The following SLC39A11 variants were observed in gnomAD, a reference collection of about 807,000 sequenced individuals.
The protein encoded by SLC39A11 is zinc transporter ZIP11.
In SLC39A11, 33 loss-of-function variants were observed where a neutral mutation model predicts 36.1. The observed-to-expected ratio is 0.91, with a 90% CI of 0.69 to 1.22. SLC39A11 has a LOEUF of 1.22. SLC39A11 is among the 50% of genes most tolerant of loss of function. SLC39A11 has a pLI of 0.00. For synonymous variants in SLC39A11, 166 were observed against 170.3 expected (o/e 0.97, Z 0.20); for missense variants, 432 against 430.3 (o/e 1.00, Z -0.03).
chr17:72,844,703 G>A (rs1411123857), intron 6 of SLC39A11, among the ~76,000 whole-genome samples: 1 of 151,928 alleles, frequency 6.6e-6, no homozygotes, highest in Non-Finnish European at 1.5e-5. Context: ...AACATTCATG[G>A]GCCAATGATT....
intron 3 of SLC39A11, among the ~76,000 whole-genome samples, chr17:73,048,398 T>C (rs2059390797): frequency 6.6e-6 from 1 of 152,196 alleles, no homozygotes; most frequent in Non-Finnish European, 1.5e-5. Context: ...TAGTATTCCA[T>C]GGTGCACATG....
At chr17:72,787,877 T>C (rs2076573634) in intron 6 of SLC39A11, among the ~76,000 whole-genome samples, 1 of 152,158 alleles carries the variant, frequency 6.6e-6, no homozygotes, top group South Asian at 2.1e-4. Context: ...GCTCCCTTAC[T>C]GGGCGCATCC....
intron 7 of SLC39A11, among the ~76,000 whole-genome samples, chr17:72,708,926 G>A (rs1354103286): frequency 6.7e-6 from 1 of 149,836 alleles, no homozygotes; most frequent in Non-Finnish European, 1.5e-5. Context: ...CCTAGGCAAA[G>A]CCTTTTTTCT....
At chr17:73,021,971 C>T (rs908797101) in intron 4 of SLC39A11, among the ~76,000 whole-genome samples, 1 of 152,252 alleles carries the variant, frequency 6.6e-6, no homozygotes, top group Non-Finnish European at 1.5e-5. Flanking sequence ...GTGTTCGTGC[C>T]AGACCCACGG....
At chr17:72,663,715 T>C (rs571849708) in intron 7 of SLC39A11, 2 of 152,276 alleles carry the variant, frequency 1.3e-5, no homozygotes, top group South Asian at 2.1e-4. Context: ...GACATCCGTG[T>C]GGGGTATTGC....
chr17:72,766,568 TC>T (rs1438708524), intron 6 of SLC39A11, among the ~76,000 whole-genome samples: 1 of 152,168 alleles, frequency 6.6e-6, no homozygotes, highest in Non-Finnish European at 1.5e-5. Flanking sequence ...TATCACTGCT[TC>T]TTCTGCTAGT....
At chr17:72,704,301 T>G (rs1316359079) in intron 7 of SLC39A11, among the ~76,000 whole-genome samples, 1 of 152,196 alleles carries the variant, frequency 6.6e-6, no homozygotes, top group Admixed American at 6.5e-5. Flanking sequence ...CTCGATTCAC[T>G]TGTTCAAGAC....
chr17:73,050,924 T>C (rs1414753810), intron 3 of SLC39A11, among the ~76,000 whole-genome samples: 2 of 145,248 alleles, frequency 1.4e-5, no homozygotes, highest in Non-Finnish European at 3.0e-5. Flanking sequence ...GGATGTATTT[T>C]GGAGGGAGGG....
intron 6 of SLC39A11, among the ~76,000 whole-genome samples, chr17:72,824,150 G>A (rs1203051742): frequency 6.6e-6 from 1 of 151,200 alleles, no homozygotes; most frequent in East Asian, 1.9e-4. Flanking sequence ...GGGGCCCGGT[G>A]GGAGGTGACT....
intron 5 of SLC39A11, among the ~76,000 whole-genome samples, chr17:72,936,411 T>TAAAAAAAAAAAAA (rs746428868): frequency 2.7e-5 from 2 of 73,460 alleles, no homozygotes; most frequent in African/African-American, 1.0e-4. Context: ...TGAAAAAAAG[T>TAAAAAAAAAAAAA]AAAAAAAAAA....
intron 7 of SLC39A11, among the ~76,000 whole-genome samples, chr17:72,673,157 G>A (rs1000812713): frequency 2.0e-5 from 3 of 152,056 alleles, no homozygotes; most frequent in African/African-American, 7.2e-5. Flanking sequence ...ACCCAGGCTG[G>A]AGAGCAATGG....
Position 72,647,373 on chromosome 17 carries a change from A to G in SLC39A11, c.*211T>C. 2.3e-6 allele frequency: 1 copy of G among 430,168 alleles called. No homozygotes were observed. The highest frequency in any genetic ancestry group is 4.2e-6 in the Non-Finnish European group (1 of 239,834). 26.6% of individuals were successfully genotyped at this position (430,168 alleles called of 1,614,324 possible). Reference sequence around the variant, plus strand: ...GCCAAAACAAAGAATCTGTATTTCCATGACACCTTAAAATTCCCCATTAAA... The same window carrying G: ...GCCAAAACAAAGAATCTGTATTTCCGTGACACCTTAAAATTCCCCATTAAA... On this transcript the variant is annotated 3_prime_UTR_variant, in exon 10 of 10. Coordinates refer to ENST00000255559, the MANE Select transcript of SLC39A11 (RefSeq NM_139177.4).
chr17:72,753,846 C>A (rs1427756512), intron 6 of SLC39A11, among the ~76,000 whole-genome samples: 1 of 129,498 alleles, frequency 7.7e-6, no homozygotes, highest in Non-Finnish European at 1.5e-5. Flanking sequence ...CTGGATCCAG[C>A]AATCCCACTA....
chr17:72,995,489 T>C (rs2089451581), intron 4 of SLC39A11, among the ~76,000 whole-genome samples: 1 of 152,234 alleles, frequency 6.6e-6, no homozygotes, highest in Admixed American at 6.5e-5. Context: ...CAGGTGTGTC[T>C]GTGAGGGTGG....
chr17:72,651,082 C>A (rs1248657152), intron 7 of SLC39A11, among the ~76,000 whole-genome samples: 1 of 152,202 alleles, frequency 6.6e-6, no homozygotes, highest in Non-Finnish European at 1.5e-5. Flanking sequence ...GTAGCCCCCA[C>A]CTCGAGTCTG....
At chr17:72,727,079 C>G (rs1038424532) in intron 7 of SLC39A11, among the ~76,000 whole-genome samples, 2 of 152,224 alleles carry the variant, frequency 1.3e-5, no homozygotes, top group Admixed American at 6.5e-5. Context: ...CTACAAACGT[C>G]TCTTGACGCG....
At chr17:72,694,687 G>A (rs1359336908) in intron 7 of SLC39A11, among the ~76,000 whole-genome samples, 1 of 152,250 alleles carries the variant, frequency 6.6e-6, no homozygotes, top group Non-Finnish European at 1.5e-5. Flanking sequence ...TTGTGGGCAG[G>A]GTGGGGTGGT....
intron 6 of SLC39A11, among the ~76,000 whole-genome samples, chr17:72,841,216 C>T (rs1191378401): frequency 6.6e-6 from 1 of 152,020 alleles, no homozygotes; most frequent in Non-Finnish European, 1.5e-5. Flanking sequence ...CATTGGGCCC[C>T]CCAAAAAGAA....
intron 4 of SLC39A11, among the ~76,000 whole-genome samples, chr17:72,952,765 G>C (rs1397858278): frequency 2.6e-5 from 4 of 152,178 alleles, no homozygotes; most frequent in African/African-American, 7.2e-5. Context: ...CAAAGTGCGA[G>C]CGTGATCCTT....
Sources: allele counts gnomAD v4.1 joint callset (sites outside exome capture counted in the v4.1 genomes callset), GRCh38; gene constraint gnomAD v4.1.1; transcripts MANE v1.5; gene names NCBI Gene and HGNC (gene_info 2026-07-23, HGNC 2026-07-21).